The following KCNMA1 variants were observed in gnomAD, a reference collection of about 807,000 sequenced individuals.
KCNMA1 encodes the protein potassium calcium-activated channel subfamily M alpha 1, also known as Calcium-activated potassium channel subunit alpha-1.
In KCNMA1, 29 loss-of-function variants were observed where a neutral mutation model predicts 140.0. The observed-to-expected ratio is 0.21, with a 90% CI of 0.15 to 0.28. The LOEUF (loss-of-function observed/expected upper bound fraction) is 0.28. KCNMA1 is among the 10% of genes least tolerant of loss of function. The pLI, the probability that KCNMA1 is intolerant of heterozygous loss-of-function variation, is 1.00. For missense variants in KCNMA1, 880 were observed against 1,602.2 expected (o/e 0.55, Z 7.70); for synonymous variants, 612 against 611.9 (o/e 1.00, Z 0.00).
chr10:77,339,949 C>T (rs554925969), intron 2 of KCNMA1, among the ~76,000 whole-genome samples: 1 of 152,328 alleles, frequency 6.6e-6, no homozygotes, highest in African/African-American at 2.4e-5. Context: ...TGACATCCTA[C>T]AGACACTATC....
chr10:77,549,434 C>T (rs1283957997), intron 1 of KCNMA1, among the ~76,000 whole-genome samples: 2 of 152,204 alleles, frequency 1.3e-5, no homozygotes, highest in African/African-American at 4.8e-5. Context: ...GAAAGTAGCA[C>T]CCAGAAGAGA....
chr10:77,521,946 C>A (rs781553728), intron 1 of KCNMA1, among the ~76,000 whole-genome samples: 39 of 152,098 alleles, frequency 2.6e-4, no homozygotes, highest in Admixed American at 9.8e-4. Flanking sequence ...GAGGTCGAGG[C>A]AGGTAGATCA....
intron 21 of KCNMA1, among the ~76,000 whole-genome samples, chr10:76,950,677 C>T (rs181645347): frequency 6.6e-6 from 1 of 152,302 alleles, no homozygotes; most frequent in Non-Finnish European, 1.5e-5. Flanking sequence ...CTAGAATTGA[C>T]CACTGCATTG....
At chr10:76,884,128 G>C (rs11001918), downstream of KCNMA1, 558 of 240,924 alleles carry the variant, frequency 2.3e-3, 1 homozygote, top group African/African-American at 0.013. Flanking sequence ...AACGCACTTC[G>C]GATTTACTTC....
intron 23 of KCNMA1, chr10:76,939,460 T>A (rs1415317016): frequency 1.3e-5 from 2 of 152,200 alleles, no homozygotes; most frequent in African/African-American, 4.8e-5. Flanking sequence ...TTCCTCAAAA[T>A]ACCTAAACCA....
intron 1 of KCNMA1, among the ~76,000 whole-genome samples, chr10:77,491,330 G>A (rs553797573): frequency 3.6e-4 from 55 of 152,238 alleles, no homozygotes; most frequent in African/African-American, 1.0e-3. Flanking sequence ...CTGGAAAATC[G>A]TGTGTCCGTG....
At chr10:76,975,904 G>A (rs1239013151) in intron 19 of KCNMA1, among the ~76,000 whole-genome samples, 2 of 152,048 alleles carry the variant, frequency 1.3e-5, no homozygotes, top group South Asian at 2.1e-4. Context: ...CTGACATCAC[G>A]GCTAACATTA....
intron 1 of KCNMA1, among the ~76,000 whole-genome samples, chr10:77,473,310 C>CA (rs929738034): frequency 1.3e-4 from 20 of 152,334 alleles, no homozygotes; most frequent in African/African-American, 4.8e-4. Flanking sequence ...ACTGAACACT[C>CA]ACATCCTCTG....
intron 6 of KCNMA1, 42 bp from the exon 7 acceptor site, chr10:77,112,484 G>T: frequency 6.6e-7 from 1 of 1,521,382 alleles, no homozygotes; most frequent in Non-Finnish European, 9.1e-7. Context: ...GTTACCAAGG[G>T]AAGGCCCTGC....
chr10:77,553,376 G>A (rs901625708), intron 1 of KCNMA1, among the ~76,000 whole-genome samples: 2 of 152,102 alleles, frequency 1.3e-5, no homozygotes, highest in Non-Finnish European at 2.9e-5. Flanking sequence ...CTGCAGCAAG[G>A]AAAGGGGCAC....
chr10:77,378,170 C>T (rs1279794217), intron 2 of KCNMA1, among the ~76,000 whole-genome samples: 1 of 152,138 alleles, frequency 6.6e-6, no homozygotes, highest in East Asian at 1.9e-4. Context: ...GCCTCAGGTG[C>T]CACCGAGCCG....
chr10:77,471,701 T>G lies in KCNMA1; in HGVS notation c.379-67678A>C, dbSNP rs117618172. 3.6e-3 allele frequency among the ~76,000 whole-genome samples: 514 copies of G among 143,264 alleles called. 9 individuals are homozygous for G. In the East Asian group the frequency reaches 0.055, roughly 15 times the overall value. The allele number at this position is 143,264 out of a possible 152,430, so 94.0% of individuals were successfully genotyped here. A position where few individuals can be genotyped will look rare whatever the true frequency, so the allele number is the denominator to read the frequency against. ...CACACACACTATACACACATACACA[T>G]TATATACACATATCACACATACACA... On this transcript the variant is annotated intron_variant, in intron 1 of 27. Transcript: ENST00000286628.
chr10:77,531,820 A>G (rs1384094320), intron 1 of KCNMA1, among the ~76,000 whole-genome samples: 2 of 152,228 alleles, frequency 1.3e-5, no homozygotes, highest in African/African-American at 2.4e-5. Flanking sequence ...GCCAAGAAAG[A>G]GGCAACAAGG....
intron 19 of KCNMA1, among the ~76,000 whole-genome samples, chr10:76,987,493 G>C (rs1347429407): frequency 2.0e-5 from 3 of 152,150 alleles, no homozygotes; most frequent in Admixed American, 2.0e-4. Context: ...CAATTACTCA[G>C]CTTTGCAGTT....
chr10:76,919,620 A>G (rs74139881), intron 23 of KCNMA1, among the ~76,000 whole-genome samples: 5,752 of 152,252 alleles, frequency 0.038, 367 homozygotes, highest in African/African-American at 0.13. Flanking sequence ...TGGGCTGTAA[A>G]GTCAGGTGTC....
At chr10:77,171,085 C>A (rs2098700962) in intron 5 of KCNMA1, among the ~76,000 whole-genome samples, 1 of 152,172 alleles carries the variant, frequency 6.6e-6, no homozygotes, top group Admixed American at 6.5e-5. Context: ...TCAAGTTCAG[C>A]CTCACCGTGG....
intron 14 of KCNMA1, among the ~76,000 whole-genome samples, chr10:77,049,513 C>T (rs944664007): frequency 3.9e-5 from 6 of 152,164 alleles, no homozygotes; most frequent in African/African-American, 1.4e-4. Flanking sequence ...ATTCCATTTC[C>T]GTATCGACTG....
chr10:77,196,160 T>C (rs2040409489), intron 3 of KCNMA1, among the ~76,000 whole-genome samples: 2 of 152,224 alleles, frequency 1.3e-5, no homozygotes, highest in Admixed American at 6.5e-5. Flanking sequence ...TATAAAAACA[T>C]CTCTGTGAGA....
chr10:77,594,176 C>A (rs2080088384), intron 1 of KCNMA1, among the ~76,000 whole-genome samples: 1 of 152,302 alleles, frequency 6.6e-6, no homozygotes, highest in Middle Eastern at 3.4e-3. Flanking sequence ...GCAGCTCCCC[C>A]AGAGGTGCCA....
Sources: allele counts gnomAD v4.1 joint callset (sites outside exome capture counted in the v4.1 genomes callset), GRCh38; gene constraint gnomAD v4.1.1; transcripts MANE v1.5; gene names NCBI Gene and HGNC (gene_info 2026-07-23, HGNC 2026-07-21).